Variants in COL18A1 observed in about 807,000 individuals in gnomAD.
COL18A1 encodes the protein collagen type XVIII alpha 1 chain, also known as collagen alpha-1(XVIII) chain.
Under a neutral mutation model 168.0 loss-of-function variants are expected in COL18A1, and 133 were observed. The observed-to-expected ratio is 0.79, with a 90% CI of 0.69 to 0.91. The LOEUF (loss-of-function observed/expected upper bound fraction) is 0.91, where lower values mean the gene tolerates loss of function less well. Ranked by LOEUF, COL18A1 falls within the 40% of genes least tolerant of loss-of-function variation. COL18A1 has a pLI of 0.00. For missense variants in COL18A1, 2,126 were observed against 1,925.4 expected (o/e 1.10, Z -1.95); for synonymous variants, 949 against 809.0 (o/e 1.17, Z -2.94).
intron 25 of COL18A1, 53 bp from the exon 26 acceptor site, chr21:45,493,448 G>T: frequency 6.7e-7 from 1 of 1,489,866 alleles, no homozygotes; most frequent in Non-Finnish European, 9.2e-7. Context: ...TCTGGGTGAG[G>T]CTTTGTGGGG....
rs751547351 is a variant in COL18A1, at chr21:45,480,731, C to T, written c.1484C>T (p.Pro495Leu). Reference protein sequence around the residue: ...GPRGFPGPPGPPGVPGLPGEP... With the variant: ...GPRGFPGPPGLPGVPGLPGEP... ...CGAGGCTTCCCTGGACCTCCCGGAC[C>T]CCCCGGTGTCCCAGGCCTGCCCGGC... Residue 495 changes from proline to leucine, a missense_variant, in exon 13 of 42, where the codon CCC (proline) becomes CTC (leucine). By Grantham distance (98) the Pro-to-Leu change is moderately conservative. Transcript: ENST00000651438. 3.1e-6 allele frequency: 5 copies of T among 1,610,770 alleles called. No homozygotes were observed. The highest frequency in any genetic ancestry group is 4.2e-6 in the Non-Finnish European group (5 of 1,179,910).
intron 2 of COL18A1, among the ~76,000 whole-genome samples, chr21:45,430,204 C>G (rs908026178): frequency 1.3e-4 from 19 of 150,904 alleles, no homozygotes; most frequent in Non-Finnish European, 1.9e-4. Context: ...CCCTATCTTT[C>G]TAGCACCCTC....
chr21:45,426,076 A>G (rs114269946), intron 2 of COL18A1, among the ~76,000 whole-genome samples: 3,315 of 152,020 alleles, frequency 0.022, 118 homozygotes, highest in African/African-American at 0.075. Context: ...AAGTGAATTG[A>G]CAGCATTTAG....
chr21:45,501,463 C>T (rs1353896465), intron 32 of COL18A1, among the ~76,000 whole-genome samples: 4 of 152,118 alleles, frequency 2.6e-5, no homozygotes, highest in Non-Finnish European at 5.9e-5. Flanking sequence ...TGTGACCCCA[C>T]GAGTGCAGTA....
rs2034129821 is a variant in COL18A1 at position 45,437,115 on chromosome 21, ACACACAGACACACAGG to A, written c.107-31123_107-31108del. Among the ~76,000 whole-genome samples, 25 of 88,716 alleles carry A rather than the reference ACACACAGACACACAGG, an allele frequency of 2.8e-4. 3 individuals are homozygous for A. The highest frequency in any genetic ancestry group is 3.6e-4 in the African/African-American group (5 of 13,978). 58.2% of individuals were successfully genotyped at this position (88,716 alleles called of 152,430 possible). ...CAGGCACTCTCCTGCACACACACTCACACACAGACACACAGGCACTCTCCACACACACTCACACTCA... is the reference window on the plus strand; with the variant it reads ...CAGGCACTCTCCTGCACACACACTCACACTCTCCACACACACTCACACTCA... On this transcript the variant is annotated intron_variant, in intron 2 of 41. Coordinates refer to ENST00000651438, the MANE Select transcript of COL18A1 (RefSeq NM_001379500.1).
chr21:45,493,483 G>A lies in COL18A1; in HGVS notation c.2278-18G>A, dbSNP rs1428671006. 2.6e-6 allele frequency: 4 copies of A among 1,552,852 alleles called. No individual in the cohort carries two copies. Among genetic ancestry groups the A allele is most frequent in the Non-Finnish European group, 3.5e-6 (4 of 1,148,078 alleles). On this transcript the variant is annotated intron_variant, in intron 25 of 41. Transcript: ENST00000651438. ...GAAGGAGCTGGCCCTGACTCTGCTG[G>A]ACCTCCTGCCATTCCAGGGTGAGAA...
chr21:45,405,492 G>T lies in COL18A1; in HGVS notation c.106+19G>T. On this transcript the variant is annotated intron_variant, in intron 2 of 41. Coordinates refer to ENST00000651438, the MANE Select transcript of COL18A1 (RefSeq NM_001379500.1). The stretch of plus-strand genomic sequence containing the variant: ...GAGCCAGGTAAGACCCGGGCGGGAC[G>T]GGAAGGTTCGCGCCGGTGCCCGCCG... 1 of 1,336,852 alleles carries T rather than the reference G, an allele frequency of 7.5e-7. No individual in the cohort carries two copies. The highest frequency in any genetic ancestry group is 9.7e-7 in the Non-Finnish European group (1 of 1,033,562). 82.8% of individuals were successfully genotyped at this position (1,336,852 alleles called of 1,614,324 possible). A position where few individuals can be genotyped will look rare whatever the true frequency, so the allele number is the denominator to read the frequency against.
At position 45,490,924 on chromosome 21, in the gene COL18A1, G is replaced by A. The variant is rs1239199020; in HGVS notation, c.2067+53G>A. ...GGATGGGGGGCGCTGGGACATCCCA[G>A]AAGGTTTGGCCTCAGCTGCCCCAGG... is the stretch of plus-strand genomic sequence containing the variant. On this transcript the variant is annotated intron_variant, in intron 21 of 41. Coordinates refer to ENST00000651438, the MANE Select transcript of COL18A1 (RefSeq NM_001379500.1). 26 of 1,521,718 alleles carry A rather than the reference G, an allele frequency of 1.7e-5. No homozygotes were observed. The East Asian group carries it at 2.9e-4, about 17-fold the overall frequency. The allele number at this position is 1,521,718 out of a possible 1,614,324, so 94.3% of individuals were successfully genotyped here. A position where few individuals can be genotyped will look rare whatever the true frequency, so the allele number is the denominator to read the frequency against.
chr21:45,405,313 G>GGTC (rs1400095331), intron 1 of COL18A1, 66 bp from the exon 2 acceptor site: 4 of 917,898 alleles, frequency 4.4e-6, no homozygotes, highest in Middle Eastern at 4.0e-4. Context: ...GGGTCGCGGG[G>GGTC]CTCGGCCGGG....
intron 4 of COL18A1, among the ~76,000 whole-genome samples, chr21:45,474,397 GTC>G (rs1379090486): frequency 2.0e-5 from 3 of 149,926 alleles, no homozygotes; most frequent in Non-Finnish European, 4.4e-5. Context: ...TTGTATGTGT[GTC>G]TCTGGTGTGT....
At chr21:45,429,903 T>C (rs1016920105) in intron 2 of COL18A1, among the ~76,000 whole-genome samples, 2 of 151,118 alleles carry the variant, frequency 1.3e-5, no homozygotes, top group Non-Finnish European at 3.0e-5. Context: ...AGCGGGGTCA[T>C]GGTTTTGGGG....
At chr21:45,474,020 A>G in intron 4 of COL18A1, 39 bp downstream of exon 4, 1 of 1,500,744 alleles carries the variant, frequency 6.7e-7, no homozygotes, top group South Asian at 1.2e-5. Context: ...TCTCCCCTCA[A>G]TCCCTGGCAC....
intron 3 of COL18A1, among the ~76,000 whole-genome samples, chr21:45,472,499 C>T (rs529524186): frequency 1.3e-5 from 2 of 152,332 alleles, no homozygotes; most frequent in Non-Finnish European, 2.9e-5. Context: ...GCGTGAGCCA[C>T]TGCGCCCGGC....
chr21:45,480,824 G>T lies in COL18A1; in HGVS notation c.1577G>T (p.Gly526Val). 1 of 1,611,840 alleles carries T rather than the reference G, an allele frequency of 6.2e-7. No individual in the cohort carries two copies. The highest frequency in any genetic ancestry group is 1.1e-5 in the South Asian group (1 of 90,982). Residue 526 changes from glycine (G) to valine (V), a missense_variant, in exon 13 of 42, where the codon GGG becomes GTG. Transcript: ENST00000651438. ...PGPAGLPGVP[G>V]REGPPGFPGL... Reference sequence around the variant, plus strand: ...CCCGCCGGCCTTCCTGGTGTGCCTGGGCGCGAGGGTCCCCCCGGGTTTCCT... The same window carrying T: ...CCCGCCGGCCTTCCTGGTGTGCCTGTGCGCGAGGGTCCCCCCGGGTTTCCT...
intron 2 of COL18A1, among the ~76,000 whole-genome samples, chr21:45,440,711 C>T (rs1050034193): frequency 6.6e-6 from 1 of 152,072 alleles, no homozygotes; most frequent in East Asian, 1.9e-4. Context: ...AACCACGTTC[C>T]CCGGAAGCAG....
chr21:45,426,809 T>C (rs1162910591), intron 2 of COL18A1, among the ~76,000 whole-genome samples: 1 of 152,162 alleles, frequency 6.6e-6, no homozygotes, highest in Non-Finnish European at 1.5e-5. Flanking sequence ...TCTTTTCTCC[T>C]CTGTTGAGGG....
chr21:45,488,271 A>T (rs2036184476), intron 17 of COL18A1, 147 bp from the exon 18 acceptor site: 1 of 1,023,700 alleles, frequency 9.8e-7, no homozygotes, highest in African/African-American at 1.6e-5. Flanking sequence ...GTAAGTTAGA[A>T]TGGCTTTACC....
At chr21:45,431,215 C>T (rs2033950046) in intron 2 of COL18A1, among the ~76,000 whole-genome samples, 1 of 152,158 alleles carries the variant, frequency 6.6e-6, no homozygotes, top group Non-Finnish European at 1.5e-5. Context: ...ACAGGGTGTC[C>T]CACCCCTTCT....
At position 45,505,180 on chromosome 21, in the gene COL18A1, C is replaced by A. The variant is rs753905674; in HGVS notation, c.2915C>A (p.Pro972His). Residue 972 changes from proline to histidine, a missense_variant, in exon 35 of 42, where the codon CCT (proline) becomes CAT (histidine). Physicochemically the swap from Pro to His is moderately conservative, Grantham distance 77 (BLOSUM62 -2). Coordinates refer to ENST00000651438, the MANE Select transcript of COL18A1 (RefSeq NM_001379500.1). ...SIRGQPGPPGPQGPPGIGYEG... is the reference protein window; with the variant it reads ...SIRGQPGPPGHQGPPGIGYEG... ...CGGGGCCAGCCCGGCCCACCTGGAC[C>A]TCAGGGACCCCCCGGCATCGGCTAC... The A allele has an allele frequency of 1.2e-6, 2 of 1,606,594 alleles. No homozygotes were observed. Among genetic ancestry groups the A allele is most frequent in the Non-Finnish European group, 1.7e-6 (2 of 1,177,574 alleles).
Sources: allele counts gnomAD v4.1 joint callset (sites outside exome capture counted in the v4.1 genomes callset), GRCh38; gene constraint gnomAD v4.1.1; transcripts MANE v1.5; gene names NCBI Gene and HGNC (gene_info 2026-07-23, HGNC 2026-07-21).